The following CPT1A variants were observed in gnomAD, a reference collection of about 807,000 sequenced individuals.
CPT1A encodes the protein carnitine palmitoyltransferase 1A.
In CPT1A, 64 loss-of-function variants were observed where a neutral mutation model predicts 100.8. That is an observed-to-expected ratio of 0.63 (90% CI 0.52 to 0.78). The LOEUF (loss-of-function observed/expected upper bound fraction) is 0.78. CPT1A is among the 30% of genes least tolerant of loss of function. CPT1A has a pLI of 0.00. For synonymous variants in CPT1A, 363 were observed against 396.0 expected, an observed-to-expected ratio of 0.92 and a Z score of 0.99; for missense variants, 802 against 1,034.1, an observed-to-expected ratio of 0.78 and a Z score of 3.08.
chr11:68,817,088 TTGTGTGTGTGTGG>T (rs1856440507), intron 1 of CPT1A, among the ~76,000 whole-genome samples: 1 of 109,114 alleles, frequency 9.2e-6, no homozygotes, highest in Admixed American at 9.4e-5. Context: ...GTGTGTGTGG[TTGTGTGTGTGTGG>T]TGTGTGTGTG....
At chr11:68,830,998 T>TG (rs1244017256) in intron 1 of CPT1A, among the ~76,000 whole-genome samples, 20 of 152,180 alleles carry the variant, frequency 1.3e-4, no homozygotes, top group Admixed American at 2.6e-4. Flanking sequence ...TCAACAATCG[T>TG]GGGGGGGAAG....
intron 9 of CPT1A, among the ~76,000 whole-genome samples, chr11:68,786,393 G>A (rs1022555662): frequency 6.6e-6 from 1 of 152,122 alleles, no homozygotes; most frequent in Non-Finnish European, 1.5e-5. Flanking sequence ...TAGGACAAGT[G>A]TCACAAAAGG....
chr11:68,803,869 G>A, intron 5 of CPT1A, 131 bp downstream of exon 5: 1 of 684,204 alleles, frequency 1.5e-6, no homozygotes. Flanking sequence ...GAGTTCCTAT[G>A]AGAACCCTAC....
intron 3 of CPT1A, among the ~76,000 whole-genome samples, chr11:68,811,634 C>T (rs73520863): frequency 0.023 from 3,537 of 152,220 alleles, 135 homozygotes; most frequent in African/African-American, 0.08. Flanking sequence ...TTCCCCGCTC[C>T]CTCTTCCTGT....
intron 10 of CPT1A, 29 bp downstream of exon 10, chr11:68,784,786 A>G: frequency 5.6e-6 from 9 of 1,600,286 alleles, no homozygotes; most frequent in Non-Finnish European, 7.6e-6. Context: ...CCACCCCCCA[A>G]AACAGGACAA....
intron 10 of CPT1A, among the ~76,000 whole-genome samples, 176 bp downstream of exon 10, chr11:68,784,639 C>T (rs1594337189): frequency 6.6e-6 from 1 of 152,334 alleles, no homozygotes; most frequent in Non-Finnish European, 1.5e-5. Flanking sequence ...CAGGGACCCC[C>T]CACCATGTCC....
At chr11:68,817,110 T>TGG (rs1856444305) in intron 1 of CPT1A, among the ~76,000 whole-genome samples, 1 of 136,372 alleles carries the variant, frequency 7.3e-6, no homozygotes, top group African/African-American at 2.8e-5. Flanking sequence ...GGTGTGTGTG[T>TGG]GTGGGTGTGT....
intron 1 of CPT1A, among the ~76,000 whole-genome samples, chr11:68,831,632 C>T (rs1446553018): frequency 1.5e-5 from 2 of 131,502 alleles, no homozygotes; most frequent in South Asian, 2.4e-4. Flanking sequence ...AGTTACAGCA[C>T]ATTCCTTTTT....
In CPT1A at chr11:68,759,749, G is replaced by A. The variant is rs1298534761; in HGVS notation, c.2143-88C>T. On this transcript the variant is annotated intron_variant, in intron 17 of 18. Transcript: ENST00000265641. ...CTAATGTTCTAAATGCAACACTGGC[G>A]GGGCTCGGTGGCTTCTCCTTGTAAT... 2.2e-5 allele frequency: 21 copies of A among 962,818 alleles called. 1 individual carries two copies. The highest frequency in any genetic ancestry group is 5.3e-5 in the South Asian group (4 of 74,842). The allele number at this position is 962,818 out of a possible 1,614,324, so 59.6% of individuals were successfully genotyped here. A position where few individuals can be genotyped will look rare whatever the true frequency, so the allele number is the denominator to read the frequency against.
chr11:68,797,917 G>A (rs1188503643), intron 6 of CPT1A, among the ~76,000 whole-genome samples: 1 of 152,232 alleles, frequency 6.6e-6, no homozygotes, highest in East Asian at 1.9e-4. Context: ...GGCAGAGCTT[G>A]CAGTGAGCCG....
intron 9 of CPT1A, among the ~76,000 whole-genome samples, chr11:68,787,942 C>CA (rs58079850): frequency 0.031 from 1,399 of 44,560 alleles, 20 homozygotes; most frequent in East Asian, 0.077. Flanking sequence ...GACTCAGTCT[C>CA]AAAAAAAAAA....
chr11:68,759,000 A>T (rs1045649222), intron 18 of CPT1A, among the ~76,000 whole-genome samples: 2 of 152,176 alleles, frequency 1.3e-5, no homozygotes, highest in African/African-American at 4.8e-5. Context: ...CTGTAATCCC[A>T]ACACTGGGAG....
chr11:68,822,691 T>G (rs551674058), intron 1 of CPT1A, among the ~76,000 whole-genome samples: 1 of 152,226 alleles, frequency 6.6e-6, no homozygotes, highest in South Asian at 2.1e-4. Flanking sequence ...GGCAATACAT[T>G]CTGCTGATGA....
chr11:68,775,493 C>G, intron 12 of CPT1A, 61 bp from the exon 13 acceptor site: 1 of 1,270,030 alleles, frequency 7.9e-7, no homozygotes, highest in Admixed American at 1.7e-5. Flanking sequence ...CATTAACCTC[C>G]AACATGAAGA....
chr11:68,837,981 T>A (rs1857052236), intron 1 of CPT1A, among the ~76,000 whole-genome samples: 2 of 152,164 alleles, frequency 1.3e-5, no homozygotes, highest in Admixed American at 1.3e-4. Context: ...ATGTGGGGGC[T>A]TAGGGAACAG....
chr11:68,785,917 C>A, intron 9 of CPT1A: 1 of 664,368 alleles, frequency 1.5e-6, no homozygotes, highest in South Asian at 1.6e-5. Flanking sequence ...TTAAGCTCCT[C>A]AGTAAGCTTA....
At chr11:68,811,292 G>A (rs1055454980) in intron 3 of CPT1A, among the ~76,000 whole-genome samples, 14 of 152,100 alleles carry the variant, frequency 9.2e-5, no homozygotes, top group African/African-American at 2.4e-4. Flanking sequence ...GTGAACCACC[G>A]TGTCCAAATG....
In CPT1A at chr11:68,776,988, C is replaced by T. The variant is rs759699769; in HGVS notation, c.1459-1556G>A. 1.4e-4 allele frequency among the ~76,000 whole-genome samples: 21 copies of T among 152,234 alleles called. No individual in the cohort carries two copies. The South Asian group carries it at 1.9e-3, about 14-fold the overall frequency. ...CAAGGTCGGGGTGACTGTCGGCTGG[C>T]GAGGCGGCGGGGCGGGTGGAAGGTG... is the stretch of plus-strand genomic sequence containing the variant. On this transcript the variant is annotated intron_variant, in intron 12 of 18. Transcript: ENST00000265641.
chr11:68,771,432 C>T (rs1327201561), intron 14 of CPT1A, among the ~76,000 whole-genome samples: 4 of 152,166 alleles, frequency 2.6e-5, no homozygotes, highest in African/African-American at 4.8e-5. Context: ...TGCACGTTTA[C>T]GGGCAAAATC....
Sources: gnomAD v4.1 joint callset for allele counts (sites outside exome capture counted in the v4.1 genomes callset) on GRCh38, gnomAD v4.1.1 for gene constraint, MANE v1.5 for transcripts, NCBI Gene and HGNC (gene_info 2026-07-23, HGNC 2026-07-21) for gene names.